FBN1: variants seen among roughly 807,000 people sequenced by gnomAD.
The protein encoded by FBN1 is fibrillin 1.
FBN1 carries 29 observed loss-of-function variants against 365.1 expected under a neutral mutation model. The observed-to-expected ratio is 0.08, with a 90% CI of 0.06 to 0.11. The LOEUF (loss-of-function observed/expected upper bound fraction) is 0.11. Among genes scored for constraint, FBN1 ranks in the 10% least tolerant of loss-of-function variants. The pLI, the probability that FBN1 is intolerant of heterozygous loss-of-function variation, is 1.00. For synonymous variants in FBN1, 1,210 were observed against 1,270.5 expected, an observed-to-expected ratio of 0.95 and a Z score of 1.01; for missense variants, 2,476 against 3,703.2, an observed-to-expected ratio of 0.67 and a Z score of 8.60.
At chr15:48,640,811 G>GT (rs1890184623) in intron 2 of FBN1, among the ~76,000 whole-genome samples, 1 of 152,082 alleles carries the variant, frequency 6.6e-6, no homozygotes, top group African/African-American at 2.4e-5. Context: ...ACAGGAAACA[G>GT]TAATATTTCC....
chr15:48,629,292 T>C (rs929405263), intron 2 of FBN1, among the ~76,000 whole-genome samples: 2 of 152,200 alleles, frequency 1.3e-5, no homozygotes, highest in Non-Finnish European at 2.9e-5. Context: ...ACTGGCATCT[T>C]AAGAAGCACT....
intron 6 of FBN1, among the ~76,000 whole-genome samples, chr15:48,580,932 A>C (rs1028323824): frequency 1.3e-5 from 2 of 152,188 alleles, no homozygotes; most frequent in Non-Finnish European, 2.9e-5. Flanking sequence ...AACTGCATGC[A>C]CTTGTATAGT....
intron 53 of FBN1, among the ~76,000 whole-genome samples, chr15:48,435,142 T>A (rs372385633): frequency 6.6e-6 from 1 of 152,116 alleles, no homozygotes; most frequent in East Asian, 1.9e-4. Flanking sequence ...AAAAAGGGAG[T>A]GTGCATGTCT....
rs12232320 is a variant in FBN1 at position 48,562,066 on chromosome 15, T to G, written c.539-24258A>C. Among the ~76,000 whole-genome samples, 2,503 of 152,232 alleles carry G rather than the reference T, an allele frequency of 0.016. 204 individuals carry two copies. In the East Asian group the frequency reaches 0.24, roughly 14 times the overall value. On this transcript the variant is annotated intron_variant, in intron 6 of 65. Transcript: ENST00000316623. The stretch of plus-strand genomic sequence containing the variant: ...AATCATGACGTAAGTTGTCAGTAGA[T>G]CACATTTTGGGCAACACTGGACTGG...
At position 48,411,142 on chromosome 15, in the gene FBN1, GCTT is replaced by G. The variant is rs752325626; in HGVS notation, c.8461_8463del (p.Lys2821del). Reference sequence around the variant, plus strand: ...TGTAATGAATAGGTTCCAGCCACTGGCTTCTTCTTTGTGAAGTGGAGGTAGCTG... The same window carrying G: ...TGTAATGAATAGGTTCCAGCCACTGGCTTCTTTGTGAAGTGGAGGTAGCTG... On this transcript the variant is annotated inframe_deletion, in exon 66 of 66. Transcript: ENST00000316623. The G allele has an allele frequency of 3.1e-6, 5 of 1,614,122 alleles. No individual in the cohort carries two copies. The highest frequency in any genetic ancestry group is 2.2e-5 in the East Asian group (1 of 44,866).
At position 48,492,441 on chromosome 15, in the gene FBN1, A is replaced by G. The variant is rs2043567874; in HGVS notation, c.2854+20T>C. The G allele has an allele frequency of 2.5e-6, 4 of 1,609,786 alleles. No homozygotes were observed. The highest frequency in any genetic ancestry group is 1.7e-6 in the Non-Finnish European group (2 of 1,176,394). On this transcript the variant is annotated intron_variant, in intron 24 of 65. Transcript: ENST00000316623. Reference sequence around the variant, plus strand: ...TCGTTAATAAATTATTATTAGAAAAATAATGAGCTCAGTATTTACCAAGAC... The same window carrying G: ...TCGTTAATAAATTATTATTAGAAAAGTAATGAGCTCAGTATTTACCAAGAC...
intron 2 of FBN1, among the ~76,000 whole-genome samples, chr15:48,624,835 CAG>C (rs1442396664): frequency 2.6e-5 from 4 of 152,250 alleles, no homozygotes; most frequent in African/African-American, 9.6e-5. Flanking sequence ...TGAGCCTGCA[CAG>C]AGAGAGGCCG....
At chr15:48,620,559 C>G (rs1372455825) in intron 2 of FBN1, among the ~76,000 whole-genome samples, 1 of 152,008 alleles carries the variant, frequency 6.6e-6, no homozygotes, top group African/African-American at 2.4e-5. Flanking sequence ...ATTTTTTGCA[C>G]GAGTCTCTGC....
intron 27 of FBN1, 76 bp from the exon 28 acceptor site, chr15:48,487,513 ATT>A: frequency 6.3e-7 from 1 of 1,592,776 alleles, no homozygotes; most frequent in Non-Finnish European, 8.5e-7. Flanking sequence ...TCCCCCACCC[ATT>A]GCTGGGTGTC....
chr15:48,463,279 A>G, intron 41 of FBN1, 39 bp from the exon 42 acceptor site: 1 of 1,599,020 alleles, frequency 6.3e-7, no homozygotes, highest in Non-Finnish European at 8.6e-7. Flanking sequence ...AGGGTTGGTG[A>G]TGCCATGTGG....
chr15:48,627,022 G>C (rs2028110), intron 2 of FBN1, among the ~76,000 whole-genome samples: 13,563 of 152,108 alleles, frequency 0.089, 1,813 homozygotes, highest in African/African-American at 0.29. Context: ...CAATGGAAAC[G>C]TCATAAATCC....
At chr15:48,496,025 T>C in intron 20 of FBN1, 75 bp downstream of exon 20, 1 of 1,580,680 alleles carries the variant, frequency 6.3e-7, no homozygotes, top group Non-Finnish European at 8.7e-7. Flanking sequence ...GAGACTCTAA[T>C]TCAGTCTTAT....
intron 63 of FBN1, among the ~76,000 whole-genome samples, chr15:48,418,677 T>A (rs1159963661): frequency 6.6e-6 from 1 of 152,244 alleles, no homozygotes; most frequent in Non-Finnish European, 1.5e-5. Flanking sequence ...TTCCAGTTGG[T>A]ACTTAGATTG....
intron 2 of FBN1, among the ~76,000 whole-genome samples, chr15:48,618,641 G>C (rs1005728657): frequency 6.6e-6 from 1 of 152,168 alleles, no homozygotes; most frequent in Non-Finnish European, 1.5e-5. Context: ...CCCAACCCCT[G>C]GGCCACAGAC....
chr15:48,471,023 G>A (rs189423638), intron 35 of FBN1, among the ~76,000 whole-genome samples: 199 of 151,862 alleles, frequency 1.3e-3, no homozygotes, highest in African/African-American at 4.7e-3. Flanking sequence ...AGTGTTCCAC[G>A]TAGGTCCACA....
At chr15:48,455,023 G>A (rs1348164190) in intron 44 of FBN1, among the ~76,000 whole-genome samples, 2 of 152,210 alleles carry the variant, frequency 1.3e-5, no homozygotes, top group African/African-American at 4.8e-5. Flanking sequence ...TACTTGGCAA[G>A]AGCAGAGGCG....
intron 4 of FBN1, among the ~76,000 whole-genome samples, chr15:48,607,688 T>C (rs2044625179): frequency 6.6e-6 from 1 of 152,174 alleles, no homozygotes; most frequent in Non-Finnish European, 1.5e-5. Context: ...ACATTTTTAT[T>C]GTTTATAAAT....
At chr15:48,420,387 A>G (rs1465858487) in intron 63 of FBN1, among the ~76,000 whole-genome samples, 1 of 152,166 alleles carries the variant, frequency 6.6e-6, no homozygotes, top group African/African-American at 2.4e-5. Flanking sequence ...TGATATGAAC[A>G]TAACTCAAGT....
chr15:48,575,486 T>G (rs2044339064), intron 6 of FBN1, among the ~76,000 whole-genome samples: 1 of 152,152 alleles, frequency 6.6e-6, no homozygotes, highest in South Asian at 2.1e-4. Context: ...TTTTCAACTT[T>G]CACCCTCCTC....
Sources: allele counts gnomAD v4.1 joint callset (sites outside exome capture counted in the v4.1 genomes callset), GRCh38; gene constraint gnomAD v4.1.1; transcripts MANE v1.5; gene names NCBI Gene and HGNC (gene_info 2026-07-23, HGNC 2026-07-21).